ADD2: variants seen among roughly 807,000 people sequenced by gnomAD.
ADD2 encodes beta-adducin.
ADD2 carries 23 observed loss-of-function variants against 83.0 expected under a neutral mutation model. The ratio of observed to expected loss-of-function variants is 0.28; its 90% CI spans 0.20 to 0.39. The LOEUF (loss-of-function observed/expected upper bound fraction) is 0.39, where lower values mean the gene tolerates loss of function less well. Ranked by LOEUF, ADD2 falls within the 10% of genes least tolerant of loss-of-function variation. ADD2 has a pLI of 1.00. For missense variants in ADD2, 758 were observed against 944.9 expected (o/e 0.80, Z 2.59); for synonymous variants, 375 against 375.4 (o/e 1.00, Z 0.01).
At chr2:70,696,448 T>C in intron 4 of ADD2, 52 bp from the exon 5 acceptor site, 1 of 1,606,818 alleles carries the variant, frequency 6.2e-7, no homozygotes, top group Non-Finnish European at 8.5e-7. Flanking sequence ...GCCCTCCCCT[T>C]CCTTGCTCCA....
chr2:70,767,851 A>G, intron 1 of ADD2, 35 bp downstream of exon 1: 2 of 1,534,170 alleles, frequency 1.3e-6, no homozygotes, highest in Non-Finnish European at 8.7e-7. Flanking sequence ...CAGCGACCCC[A>G]GGCAGCCCAC....
At chr2:70,738,939 C>T (rs78647560) in intron 1 of ADD2, among the ~76,000 whole-genome samples, 3,015 of 152,190 alleles carry the variant, frequency 0.02, 50 homozygotes, top group Middle Eastern at 0.027. Context: ...AAAAAACCCT[C>T]GAAGACAACC....
At chr2:70,682,695 C>T (rs1264414878) in intron 10 of ADD2, among the ~76,000 whole-genome samples, 1 of 152,144 alleles carries the variant, frequency 6.6e-6, no homozygotes, top group East Asian at 1.9e-4. Flanking sequence ...GAATTGTCAC[C>T]TGTTTATATC....
chr2:70,755,875 A>G (rs1327658867), intron 1 of ADD2, among the ~76,000 whole-genome samples: 1 of 152,028 alleles, frequency 6.6e-6, no homozygotes, highest in Non-Finnish European at 1.5e-5. Context: ...CCTGGCCAAC[A>G]TGGTGAAACC....
intron 1 of ADD2, among the ~76,000 whole-genome samples, chr2:70,714,983 C>G (rs1010081439): frequency 6.6e-6 from 1 of 152,150 alleles, no homozygotes; most frequent in Non-Finnish European, 1.5e-5. Context: ...TAATTCCCAC[C>G]CCAACCCCCA....
chr2:70,764,259 C>A (rs1372835267), intron 1 of ADD2, among the ~76,000 whole-genome samples: 3 of 151,922 alleles, frequency 2.0e-5, no homozygotes, highest in African/African-American at 7.3e-5. Flanking sequence ...AGATCTAATT[C>A]AAATATTGTT....
rs781930613 is a variant in ADD2 at position 70,677,823 on chromosome 2, C to G, written c.1438G>C (p.Glu480Gln). ...KSSSGMPIRI[E>Q]NPNQFVPLYT... ...AGAGGCACAAATTGGTTTGGGTTTT[C>G]GATGCGAATCGGCATGCCACTGCTG... Residue 480 changes from glutamate (E) to glutamine (Q), a missense_variant, in exon 12 of 16, where the codon GAA becomes CAA. Physicochemically the swap from Glu to Gln is conservative, Grantham distance 29. Around this residue, in one of 5 missense-constraint regions of ADD2, gnomAD observed 394 missense variants for 509.3 expected, o/e 0.77. Transcript: ENST00000264436. The G allele has an allele frequency of 3.3e-5, 54 of 1,614,098 alleles. No homozygotes were observed. Among genetic ancestry groups the G allele is most frequent in the Non-Finnish European group, 4.4e-5 (52 of 1,180,050 alleles).
intron 7 of ADD2, chr2:70,691,557 G>A (rs1671034911): frequency 6.6e-6 from 1 of 152,184 alleles, no homozygotes; most frequent in Non-Finnish European, 1.5e-5. Flanking sequence ...TTAAAAGTAA[G>A]CTGCTCATGG....
At chr2:70,674,250 T>C (rs530930662) in intron 14 of ADD2, among the ~76,000 whole-genome samples, 1 of 152,254 alleles carries the variant, frequency 6.6e-6, no homozygotes, top group East Asian at 1.9e-4. Context: ...CACAGAGAGA[T>C]GGGCTTCACT....
intron 1 of ADD2, among the ~76,000 whole-genome samples, chr2:70,749,557 A>C (rs1674403517): frequency 1.3e-5 from 2 of 151,988 alleles, no homozygotes; most frequent in Admixed American, 6.5e-5. Context: ...TAAAAAAAAA[A>C]CCGCATTTCC....
Position 70,673,002 on chromosome 2 carries a change from C to T in ADD2, c.1746G>A (p.Glu582=). ...VERKKLELDG[E]KETAPEEPGS... The stretch of plus-strand genomic sequence containing the variant: ...CAGGCTCTTCTGGGGCAGTTTCTTT[C>T]TCTCCTGAAAAAACAGAAAAACACC... The change falls in exon 15 of 16, where the codon GAG becomes GAA. Residue 582 remains glutamate, a synonymous_variant. Coordinates refer to ENST00000264436, the MANE Select transcript of ADD2 (RefSeq NM_001617.4). The T allele has an allele frequency of 6.2e-7, 1 of 1,612,034 alleles. No individual in the cohort carries two copies. The highest frequency in any genetic ancestry group is 1.7e-5 in the Admixed American group (1 of 59,508).
intron 1 of ADD2, among the ~76,000 whole-genome samples, chr2:70,735,564 T>A (rs565604391): frequency 6.6e-6 from 1 of 152,030 alleles, no homozygotes; most frequent in South Asian, 2.1e-4. Flanking sequence ...CCCAGCCTGC[T>A]TGCTCTGCCT....
At chr2:70,689,961 G>A (rs13401890) in intron 8 of ADD2, among the ~76,000 whole-genome samples, 56,367 of 151,928 alleles carry the variant, frequency 0.37, 11,518 homozygotes, top group African/African-American at 0.55. Context: ...CAATTTGGCG[G>A]CATGAAGTGA....
chr2:70,736,843 T>C (rs1262430054), intron 1 of ADD2, among the ~76,000 whole-genome samples: 1 of 151,732 alleles, frequency 6.6e-6, no homozygotes, highest in Admixed American at 6.6e-5. Context: ...GAATCATTAG[T>C]CCAGGAGAGA....
intron 1 of ADD2, among the ~76,000 whole-genome samples, chr2:70,724,211 C>T (rs1355488301): frequency 6.6e-6 from 1 of 152,168 alleles, no homozygotes; most frequent in Non-Finnish European, 1.5e-5. Context: ...AGACACTGTG[C>T]CAGCACTGTT....
chr2:70,743,131 C>T (rs6707557), intron 1 of ADD2, among the ~76,000 whole-genome samples: 52,084 of 151,960 alleles, frequency 0.34, 8,986 homozygotes, highest in Middle Eastern at 0.41. Context: ...TTATGATAGA[C>T]TGGTCAGCGT....
chr2:70,734,710 T>A (rs1673438892), intron 1 of ADD2, among the ~76,000 whole-genome samples: 1 of 152,212 alleles, frequency 6.6e-6, no homozygotes, highest in African/African-American at 2.4e-5. Flanking sequence ...AGCTTGGACA[T>A]GACACCCATT....
intron 9 of ADD2, among the ~76,000 whole-genome samples, chr2:70,685,317 T>C (rs1670664487): frequency 6.6e-6 from 1 of 152,180 alleles, no homozygotes; most frequent in Non-Finnish European, 1.5e-5. Context: ...AATGCCCCTG[T>C]GATACTTCTC....
intron 1 of ADD2, among the ~76,000 whole-genome samples, chr2:70,749,176 G>A (rs782315842): frequency 6.6e-6 from 1 of 152,128 alleles, no homozygotes; most frequent in South Asian, 2.1e-4. Context: ...CAGGGGAAAT[G>A]CCAGATGCTT....
Sources: gnomAD v4.1 joint callset for allele counts (sites outside exome capture counted in the v4.1 genomes callset) on GRCh38, gnomAD v4.1.1 for gene constraint, gnomAD v4.1.1 regional missense constraint, MANE v1.5 for transcripts, NCBI Gene and HGNC (gene_info 2026-07-23, HGNC 2026-07-21) for gene names.